DNPEP: variants seen among roughly 807,000 people sequenced by gnomAD.
DNPEP encodes the protein aspartyl aminopeptidase.
Under a neutral mutation model 59.1 loss-of-function variants are expected in DNPEP, and 46 were observed. That is an observed-to-expected ratio of 0.78 (90% CI 0.61 to 0.99). DNPEP has a LOEUF of 0.99. Among genes scored for constraint, DNPEP ranks in the 50% least tolerant of loss-of-function variants. The probability of loss-of-function intolerance (pLI) is 0.00; values close to 1 mark genes in which losing one functional copy is unlikely to be tolerated. For synonymous variants in DNPEP, 229 were observed against 242.2 expected (o/e 0.95, Z 0.50); for missense variants, 617 against 649.9 (o/e 0.95, Z 0.55).
Position 219,385,422 on chromosome 2 carries a change from A to G in DNPEP, c.774+2T>C, listed in dbSNP as rs781247964. 1.0e-5 allele frequency: 16 copies of G among 1,605,310 alleles called. No individual in the cohort carries two copies. Among genetic ancestry groups the G allele is most frequent in the Admixed American group, 1.7e-5 (1 of 59,910 alleles). On this transcript the variant is annotated splice_donor_variant, in intron 8 of 14. Transcript: ENST00000273075. LOFTEE classifies it high-confidence loss of function. The stretch of plus-strand genomic sequence containing the variant: ...CCACAGGTTCCTACAGCCAGTCCTC[A>G]CCGCAGGCTGGGTGTCTGCAAGGCA...
chr2:219,382,520 T>G (rs1030375582), intron 10 of DNPEP, among the ~76,000 whole-genome samples: 24 of 152,338 alleles, frequency 1.6e-4, no homozygotes, highest in Admixed American at 1.4e-3. Flanking sequence ...CAGCTAGAGA[T>G]GACATTTCCA....
In DNPEP at chr2:219,373,536, AT is replaced by A. The variant is rs1003569769; in HGVS notation, c.*755del. The A allele has an allele frequency of 3.4e-5, 5 of 148,774 alleles. No homozygotes were observed. Among genetic ancestry groups the A allele is most frequent in the Non-Finnish European group, 7.5e-5 (5 of 67,084 alleles). 9.2% of individuals were successfully genotyped at this position (148,774 alleles called of 1,614,324 possible). ...CACCATGCCTGGCTAATTTTTTTGT[AT>A]TTTTTTTTAAGTAGAGATGGGTTTC... is the stretch of plus-strand genomic sequence containing the variant. On this transcript the variant is annotated 3_prime_UTR_variant, in exon 15 of 15. Coordinates refer to ENST00000273075, the MANE Select transcript of DNPEP (RefSeq NM_012100.4).
chr2:219,385,998 T>C lies in DNPEP; in HGVS notation c.560A>G (p.Glu187Gly). ...LAIHLQRNIN[E>G]NFGPNTEMHL... Reference sequence around the variant, plus strand: ...CATCTCTGTGTTGGGCCCAAAGTTCTCGTTGATATTTCGCTGCAGATGGAT... The same window carrying C: ...CATCTCTGTGTTGGGCCCAAAGTTCCCGTTGATATTTCGCTGCAGATGGAT... Residue 187 changes from glutamate to glycine, a missense_variant, in exon 6 of 15, where the codon GAG becomes GGG. Glu to Gly is a moderately conservative substitution (Grantham distance 98). Coordinates refer to ENST00000273075, the MANE Select transcript of DNPEP (RefSeq NM_012100.4). 6.2e-7 allele frequency: 1 copy of C among 1,614,114 alleles called. No individual in the cohort carries two copies. Among genetic ancestry groups the C allele is most frequent in the Non-Finnish European group, 8.5e-7 (1 of 1,180,004 alleles).
rs372874768 is a variant in DNPEP at position 219,383,224 on chromosome 2, G to A, written c.853-10C>T. On this transcript the variant is annotated splice_polypyrimidine_tract_variant and intron_variant, in intron 9 of 14. Coordinates refer to ENST00000273075, the MANE Select transcript of DNPEP (RefSeq NM_012100.4). Reference sequence around the variant, plus strand: ...AGGAATCTATCAAGGCCTGGTTCAGGGAAGGAAATGAGAGCATCATCTCCA... The same window carrying A: ...AGGAATCTATCAAGGCCTGGTTCAGAGAAGGAAATGAGAGCATCATCTCCA... 2 of 1,613,750 alleles carry A rather than the reference G, an allele frequency of 1.2e-6. No individual in the cohort carries two copies. The highest frequency in any genetic ancestry group is 1.7e-6 in the Non-Finnish European group (2 of 1,179,668).
Position 219,387,097 on chromosome 2 carries a change from C to G in DNPEP, c.103G>C (p.Val35Leu). The G allele has an allele frequency of 6.3e-7, 1 of 1,592,102 alleles. No homozygotes were observed. The highest frequency in any genetic ancestry group is 8.6e-7 in the Non-Finnish European group (1 of 1,168,164). Reference protein sequence around the residue: ...QTAAKELLKFVNRSPSPFHAV... With the variant: ...QTAAKELLKFLNRSPSPFHAV... ...TGGAAAGGAGAGGGACTCCGGTTCA[C>G]GAACTTGAGGAGTTCCTTAGCCGCA... The change falls in exon 2 of 15, where the codon GTG (valine) becomes CTG (leucine). Residue 35 changes from valine (V) to leucine (L), a missense_variant. Transcript: ENST00000273075.
Position 219,374,210 on chromosome 2 carries a change from C to T in DNPEP, c.*82G>A. ...CACGGAGAGTCTGAGTGACAATCCA[C>T]TTTAATAATCCAGCTTCAGCTCAGC... is the stretch of plus-strand genomic sequence containing the variant. On this transcript the variant is annotated 3_prime_UTR_variant, in exon 15 of 15. Transcript: ENST00000273075. 7.5e-7 allele frequency: 1 copy of T among 1,338,822 alleles called. No individual in the cohort carries two copies. Among genetic ancestry groups the T allele is most frequent in the Non-Finnish European group, 1.1e-6 (1 of 931,840 alleles). 82.9% of individuals were successfully genotyped at this position (1,338,822 alleles called of 1,614,324 possible).
intron 13 of DNPEP, among the ~76,000 whole-genome samples, chr2:219,380,490 G>C (rs561316635): frequency 1.3e-4 from 20 of 152,196 alleles, no homozygotes; most frequent in African/African-American, 4.6e-4. Flanking sequence ...CCAAAATGCT[G>C]GGATTACAGG....
rs556809181 is a variant in DNPEP at position 219,382,089 on chromosome 2, C to T, written c.987G>A (p.Val329=). ...QGAQSLLTEL[V]LRRISASCQH... ...GGCACGAGGCTGAGATCCGCCGCAG[C>T]ACCAGCTCTGTCAGCAGTGACTGTG... The change falls in exon 11 of 15, where the codon GTG becomes GTA. Residue 329 remains valine, a synonymous_variant. Coordinates refer to ENST00000273075, the MANE Select transcript of DNPEP (RefSeq NM_012100.4). The T allele has an allele frequency of 4.8e-5, 77 of 1,613,790 alleles. No individual in the cohort carries two copies. Among genetic ancestry groups the T allele is most frequent in the Non-Finnish European group, 6.2e-5 (73 of 1,180,030 alleles).
intron 9 of DNPEP, 90 bp downstream of exon 9, chr2:219,384,276 A>G: frequency 7.7e-7 from 1 of 1,301,434 alleles, no homozygotes. Context: ...CTCTCTCACA[A>G]CCTGCTGGGG....
At chr2:219,389,595 C>T (rs1007282443), upstream of DNPEP, among the ~76,000 whole-genome samples, 2 of 151,496 alleles carry the variant, frequency 1.3e-5, no homozygotes, top group East Asian at 2.0e-4. Flanking sequence ...TTTGGGAGGC[C>T]GAGGCGGGTA....
intron 8 of DNPEP, 151 bp from the exon 9 acceptor site, chr2:219,384,594 G>C: frequency 1.3e-4 from 75 of 564,136 alleles, no homozygotes; most frequent in Non-Finnish European, 1.8e-4. Flanking sequence ...TTGAGATGAA[G>C]GTTCGCTCTT....
At chr2:219,393,495 G>C (rs1050257949), upstream of DNPEP, 3 of 152,232 alleles carry the variant, frequency 2.0e-5, no homozygotes, top group African/African-American at 7.2e-5. Flanking sequence ...GGCCAGGCTG[G>C]TCTCGACCTC....
intron 8 of DNPEP, 194 bp from the exon 9 acceptor site, chr2:219,384,637 C>T (rs1447171126): frequency 4.1e-5 from 19 of 466,192 alleles, no homozygotes; most frequent in African/African-American, 1.8e-4. Context: ...GGCTCGATCT[C>T]GGCTCACTGC....
chr2:219,374,393 G>C, intron 14 of DNPEP, 51 bp from the exon 15 acceptor site: 2 of 1,544,160 alleles, frequency 1.3e-6, no homozygotes, highest in South Asian at 2.2e-5. Context: ...ACCAGATGGA[G>C]ATGTCCTGCC....
chr2:219,386,572 G>A (rs1953846436), intron 4 of DNPEP, 93 bp downstream of exon 4: 1 of 1,445,354 alleles, frequency 6.9e-7, no homozygotes, highest in Admixed American at 2.0e-5. Context: ...TTACTCCAGG[G>A]GATAGAGGCC....
rs901763320 is a variant in DNPEP, at chr2:219,387,515, C to T, written c.36+244G>A. ...AGGCGGCCTGCATCACGTGCGCGTA[C>T]CCAGCCCGGAGCCAAAGCCCTGTAC... On this transcript the variant is annotated intron_variant, in intron 1 of 14. Transcript: ENST00000273075. The T allele has an allele frequency of 2.8e-6, 4 of 1,440,610 alleles. No homozygotes were observed. In the African/African-American group the frequency reaches 4.3e-5, roughly 16 times the overall value. 89.2% of individuals were successfully genotyped at this position (1,440,610 alleles called of 1,614,324 possible). A position where few individuals can be genotyped will look rare whatever the true frequency, so the allele number is the denominator to read the frequency against.
intron 11 of DNPEP, 110 bp downstream of exon 11, chr2:219,381,869 G>A (rs1953617596): frequency 1.5e-6 from 2 of 1,375,648 alleles, no homozygotes; most frequent in Admixed American, 2.0e-5. Context: ...CCTCCCGGCA[G>A]AATGAAGAAG....
chr2:219,376,712 A>T (rs1230586701), intron 13 of DNPEP, among the ~76,000 whole-genome samples: 1 of 152,198 alleles, frequency 6.6e-6, no homozygotes, highest in Non-Finnish European at 1.5e-5. Flanking sequence ...ATTCAGGGGA[A>T]GCGGGCATTT....
chr2:219,382,716 C>G lies in DNPEP; in HGVS notation c.936+415G>C, dbSNP rs140805061. On this transcript the variant is annotated intron_variant, in intron 10 of 14. Coordinates refer to ENST00000273075, the MANE Select transcript of DNPEP (RefSeq NM_012100.4). Reference sequence around the variant, plus strand: ...AATCCTGAAATGGAAGTCATGTGTTCAGGACGGCAGGGACCCCTCCTAAAC... The same window carrying G: ...AATCCTGAAATGGAAGTCATGTGTTGAGGACGGCAGGGACCCCTCCTAAAC... 6.1e-3 allele frequency among the ~76,000 whole-genome samples: 927 copies of G among 152,308 alleles called. 3 individuals are homozygous for G. Among genetic ancestry groups the G allele is most frequent in the South Asian group, 1.0e-2 (48 of 4,824 alleles).
Sources: gnomAD v4.1 joint callset for allele counts (sites outside exome capture counted in the v4.1 genomes callset) on GRCh38, gnomAD v4.1.1 for gene constraint, MANE v1.5 for transcripts, NCBI Gene and HGNC (gene_info 2026-07-23, HGNC 2026-07-21) for gene names.